VCL: variants seen among roughly 807,000 people sequenced by gnomAD.
The protein encoded by VCL is vinculin, also known as epididymis luminal protein 114.
In VCL, 47 loss-of-function variants were observed where a neutral mutation model predicts 125.7. That is an observed-to-expected ratio of 0.37 (90% confidence interval 0.30 to 0.48). The LOEUF (loss-of-function observed/expected upper bound fraction) is 0.48, where lower values mean the gene tolerates loss of function less well. VCL is among the 20% of genes least tolerant of loss of function. VCL has a pLI of 0.99. For synonymous variants in VCL, 458 were observed against 514.6 expected (o/e 0.89, Z 1.49); for missense variants, 1,069 against 1,455.5 (o/e 0.73, Z 4.32).
At chr10:74,064,693 C>T (rs1465422282) in intron 2 of VCL, among the ~76,000 whole-genome samples, 1 of 152,116 alleles carries the variant, frequency 6.6e-6, no homozygotes, top group African/African-American at 2.4e-5. Flanking sequence ...CAGGCATGAG[C>T]CACTGTGCCT....
intron 2 of VCL, among the ~76,000 whole-genome samples, chr10:74,057,841 G>GTC (rs1841415186): frequency 6.6e-6 from 1 of 152,160 alleles, no homozygotes; most frequent in South Asian, 2.1e-4. Context: ...GCTAAGGTAG[G>GTC]AGGATCACTT....
intron 2 of VCL, among the ~76,000 whole-genome samples, chr10:74,045,286 GATA>G (rs1841178891): frequency 6.6e-6 from 1 of 151,736 alleles, no homozygotes; most frequent in African/African-American, 2.4e-5. Context: ...TAGATAGATA[GATA>G]GATAGATAGA....
chr10:74,043,226 C>T (rs1841128738), intron 2 of VCL, 73 bp downstream of exon 2: 2 of 1,350,848 alleles, frequency 1.5e-6, no homozygotes, highest in Non-Finnish European at 2.1e-6. Context: ...TAGCTGATTT[C>T]AGTAACAACT....
At chr10:74,036,360 G>A (rs965349032) in intron 1 of VCL, among the ~76,000 whole-genome samples, 15 of 151,794 alleles carry the variant, frequency 9.9e-5, no homozygotes, top group Admixed American at 4.6e-4. Flanking sequence ...CCACCATCAC[G>A]CCCGGCCAAT....
intron 16 of VCL, 120 bp from the exon 17 acceptor site, chr10:74,107,110 G>A (rs772042667): frequency 7.2e-6 from 11 of 1,537,938 alleles, no homozygotes; most frequent in South Asian, 1.1e-5. Flanking sequence ...ATCACTGCCC[G>A]TGATATTTAC....
Position 74,040,341 on chromosome 10 carries a change from A to G in VCL, c.169-2742A>G, listed in dbSNP as rs546586621. The stretch of plus-strand genomic sequence containing the variant: ...GTTGTGCTAAAAGCAATGTTTAATA[A>G]CACTGAATAACTTACTATTTTCTAA... On this transcript the variant is annotated intron_variant, in intron 1 of 21. Coordinates refer to ENST00000211998, the MANE Select transcript of VCL (RefSeq NM_014000.3). Among the ~76,000 whole-genome samples the G allele has an allele frequency of 5.9e-5, 9 of 152,320 alleles. No individual in the cohort carries two copies. In the South Asian group the frequency reaches 1.9e-3, roughly 32 times the overall value.
At chr10:74,100,040 C>T (rs913244486) in intron 13 of VCL, among the ~76,000 whole-genome samples, 6 of 152,176 alleles carry the variant, frequency 3.9e-5, no homozygotes, top group Admixed American at 6.5e-5. Context: ...CTAGGCAGCT[C>T]CAGACATGTT....
intron 10 of VCL, among the ~76,000 whole-genome samples, chr10:74,093,105 C>T (rs1266055528): frequency 2.6e-5 from 4 of 152,012 alleles, no homozygotes; most frequent in African/African-American, 9.7e-5. Context: ...GAGACCAGCC[C>T]GGTCAACATG....
chr10:74,074,514 C>A (rs1839550004), intron 5 of VCL, among the ~76,000 whole-genome samples: 1 of 152,162 alleles, frequency 6.6e-6, no homozygotes, highest in Non-Finnish European at 1.5e-5. Flanking sequence ...GTTACTTAAT[C>A]ATGTTGTGAT....
At chr10:74,035,802 C>T (rs1462476578) in intron 1 of VCL, among the ~76,000 whole-genome samples, 17 of 152,164 alleles carry the variant, frequency 1.1e-4, no homozygotes, top group Admixed American at 7.9e-4. Flanking sequence ...TAGCCAACTG[C>T]GGATTGAAAA....
intron 1 of VCL, among the ~76,000 whole-genome samples, chr10:74,031,567 C>G (rs192897962): frequency 2.0e-5 from 3 of 152,226 alleles, no homozygotes; most frequent in African/African-American, 7.2e-5. Context: ...TTAAGTGTTA[C>G]ACCAAAAGCA....
chr10:74,071,131 T>G lies in VCL; in HGVS notation c.499+48T>G, dbSNP rs1564523254. On this transcript the variant is annotated intron_variant, in intron 4 of 21. Transcript: ENST00000211998. The surrounding 1 kb of genome is among the most constrained non-coding windows in gnomAD (Gnocchi z 4.1). ...AACATTTTTTAAGGATTGTCCATGT[T>G]GGAGCCAAAGGAAAGGGTACCCTCT... is the stretch of plus-strand genomic sequence containing the variant. The G allele has an allele frequency of 6.3e-7, 1 of 1,586,590 alleles. No individual in the cohort carries two copies. Among genetic ancestry groups the G allele is most frequent in the Non-Finnish European group, 8.7e-7 (1 of 1,155,572 alleles).
intron 13 of VCL, among the ~76,000 whole-genome samples, chr10:74,100,620 T>C (rs1269441038): frequency 6.6e-6 from 1 of 152,210 alleles, no homozygotes; most frequent in Non-Finnish European, 1.5e-5. Context: ...GGGGGTTGTT[T>C]AGTCTTCACA....
chr10:74,096,284 C>G (rs1027768704), intron 12 of VCL, among the ~76,000 whole-genome samples: 12 of 151,670 alleles, frequency 7.9e-5, no homozygotes, highest in Non-Finnish European at 1.3e-4. Flanking sequence ...ATCACCTGAA[C>G]CTGGGAGGCA....
At chr10:73,999,508 A>G (rs1840185226) in intron 1 of VCL, among the ~76,000 whole-genome samples, 1 of 152,080 alleles carries the variant, frequency 6.6e-6, no homozygotes, top group Non-Finnish European at 1.5e-5. Flanking sequence ...GCTTGTGAGG[A>G]ACAATTTTGG....
chr10:74,011,165 CAAAAA>C (rs71021585), intron 1 of VCL, among the ~76,000 whole-genome samples: 4 of 52,300 alleles, frequency 7.6e-5, no homozygotes, highest in South Asian at 9.8e-4. Context: ...AACTCTATCT[CAAAAA>C]AAAAAAAAAA....
chr10:74,025,450 C>A (rs1489909570), intron 1 of VCL, among the ~76,000 whole-genome samples: 1 of 151,816 alleles, frequency 6.6e-6, no homozygotes, highest in Non-Finnish European at 1.5e-5. Flanking sequence ...CCCACCTCTA[C>A]TGAAAATACA....
chr10:74,076,333 AC>A (rs1839585225), intron 6 of VCL: 1 of 152,714 alleles, frequency 6.5e-6, no homozygotes, highest in Non-Finnish European at 1.5e-5. Flanking sequence ...GAAAGACATT[AC>A]TGTGGGCTAT....
intron 1 of VCL, among the ~76,000 whole-genome samples, chr10:74,032,844 C>T (rs995845115): frequency 3.3e-5 from 5 of 151,952 alleles, no homozygotes; most frequent in East Asian, 1.9e-4. Context: ...AATGAGATAC[C>T]GCTTCAGTAG....
Sources: gnomAD v4.1 joint callset for allele counts (sites outside exome capture counted in the v4.1 genomes callset) on GRCh38, gnomAD v4.1.1 for gene constraint, Gnocchi (gnomAD v3.1) non-coding constraint, MANE v1.5 for transcripts, NCBI Gene and HGNC (gene_info 2026-07-23, HGNC 2026-07-21) for gene names.